Variants in DSCAM observed in about 807,000 individuals in gnomAD.
DSCAM encodes the protein cell adhesion molecule DSCAM.
A neutral mutation model predicts 217.7 loss-of-function variants in DSCAM; 47 were observed. That is an observed-to-expected ratio of 0.22 (90% CI 0.17 to 0.28). The LOEUF is 0.28. Ranked by LOEUF, DSCAM falls within the 10% of genes least tolerant of loss-of-function variation. The pLI is 1.00. For synonymous variants in DSCAM, 1,056 were observed against 1,015.3 expected, an observed-to-expected ratio of 1.04 and a Z score of -0.76; for missense variants, 2,080 against 2,618.3, an observed-to-expected ratio of 0.79 and a Z score of 4.49.
chr21:40,807,334 G>A (rs2091797251), intron 1 of DSCAM, among the ~76,000 whole-genome samples: 1 of 152,170 alleles, frequency 6.6e-6, no homozygotes, highest in Non-Finnish European at 1.5e-5. Flanking sequence ...ATCCTTCCAG[G>A]TCAGCCTCTT....
At chr21:40,425,734 T>C (rs2075468177) in intron 3 of DSCAM, among the ~76,000 whole-genome samples, 1 of 151,614 alleles carries the variant, frequency 6.6e-6, no homozygotes, top group African/African-American at 2.4e-5. Flanking sequence ...AAAATACAGC[T>C]TTTTTTCTGT....
intron 1 of DSCAM, among the ~76,000 whole-genome samples, chr21:40,806,100 G>A (rs1231634403): frequency 2.0e-5 from 3 of 152,138 alleles, no homozygotes; most frequent in Non-Finnish European, 4.4e-5. Flanking sequence ...GCCCTGCTGG[G>A]CTCTTCTCAG....
At position 40,042,337 on chromosome 21, in the gene DSCAM, A is replaced by C. The variant is rs563756803; in HGVS notation, c.5686+34T>G. On this transcript the variant is annotated intron_variant, in intron 32 of 32. Coordinates refer to ENST00000400454, the MANE Select transcript of DSCAM (RefSeq NM_001389.5). ...GAGGACCAGGAAGGTGCACTTCCCTAAGCGACGGCCCCCAGGTGGCCTTGC... is the reference window on the plus strand; with the variant it reads ...GAGGACCAGGAAGGTGCACTTCCCTCAGCGACGGCCCCCAGGTGGCCTTGC... 5.6e-6 allele frequency: 9 copies of C among 1,599,636 alleles called. No individual in the cohort carries two copies. The African/African-American group carries it at 8.0e-5, about 14-fold the overall frequency.
intron 20 of DSCAM, among the ~76,000 whole-genome samples, chr21:40,097,992 A>G (rs2089703841): frequency 6.8e-6 from 1 of 147,510 alleles, no homozygotes; most frequent in Non-Finnish European, 1.5e-5. Flanking sequence ...GAAAGAAAGA[A>G]AGAAAGAAAG....
At chr21:40,725,327 C>T (rs963039334) in intron 1 of DSCAM, among the ~76,000 whole-genome samples, 1 of 148,376 alleles carries the variant, frequency 6.7e-6, no homozygotes, top group Admixed American at 6.7e-5. Context: ...TTCTTATCAG[C>T]AATGCCTACT....
chr21:40,785,353 C>A (rs916066079), intron 1 of DSCAM, among the ~76,000 whole-genome samples: 1 of 152,192 alleles, frequency 6.6e-6, no homozygotes. Flanking sequence ...TCCTTGTACC[C>A]TTCCTTGAGC....
chr21:40,353,351 T>C, intron 5 of DSCAM, 114 bp downstream of exon 5: 15 of 1,399,524 alleles, frequency 1.1e-5, no homozygotes, highest in Non-Finnish European at 1.4e-5. Flanking sequence ...TGATCTCAGC[T>C]GGACTGTTTT....
chr21:40,573,785 A>T (rs1204876450), intron 3 of DSCAM, among the ~76,000 whole-genome samples: 1 of 152,168 alleles, frequency 6.6e-6, no homozygotes, highest in Non-Finnish European at 1.5e-5. Flanking sequence ...AATCTATATC[A>T]GTAATAAAAG....
At chr21:40,208,346 T>C (rs1340843194) in intron 11 of DSCAM, among the ~76,000 whole-genome samples, 2 of 152,092 alleles carry the variant, frequency 1.3e-5, no homozygotes, top group Admixed American at 6.5e-5. Context: ...CCCAGCTACC[T>C]GGGAGGCTGA....
chr21:40,484,658 T>G (rs550837798), intron 3 of DSCAM, among the ~76,000 whole-genome samples: 3 of 152,098 alleles, frequency 2.0e-5, no homozygotes, highest in Non-Finnish European at 4.4e-5. Context: ...TGCCACTGCG[T>G]CATCTCCTGA....
At chr21:40,746,606 T>A (rs1189322703) in intron 1 of DSCAM, among the ~76,000 whole-genome samples, 2 of 151,864 alleles carry the variant, frequency 1.3e-5, no homozygotes, top group Non-Finnish European at 3.0e-5. Flanking sequence ...AGATTGACTA[T>A]AATACAATAA....
chr21:40,145,008 C>T (rs1242808199), intron 16 of DSCAM, among the ~76,000 whole-genome samples: 6 of 152,134 alleles, frequency 3.9e-5, no homozygotes, highest in Non-Finnish European at 2.9e-5. Context: ...ATGGCAGGAG[C>T]GGAATCTGAA....
chr21:40,173,409 G>A (rs982630338), intron 15 of DSCAM, among the ~76,000 whole-genome samples: 1 of 152,142 alleles, frequency 6.6e-6, no homozygotes, highest in Non-Finnish European at 1.5e-5. Context: ...TACACAATGT[G>A]TATGAGGGAC....
At chr21:40,824,403 A>T (rs2091952028) in intron 1 of DSCAM, among the ~76,000 whole-genome samples, 23 of 120,998 alleles carry the variant, frequency 1.9e-4, no homozygotes, top group African/African-American at 4.9e-4. Flanking sequence ...TTTATTATTG[A>T]TTTTTTTTTT....
At chr21:40,317,970 C>G (rs1354351970) in intron 8 of DSCAM, among the ~76,000 whole-genome samples, 2 of 151,996 alleles carry the variant, frequency 1.3e-5, no homozygotes, top group East Asian at 3.9e-4. Context: ...TGATGATTTC[C>G]AATTTCATCC....
intron 3 of DSCAM, among the ~76,000 whole-genome samples, chr21:40,663,284 TGTGTGTGTGTG>T (rs2090161863): frequency 6.7e-6 from 1 of 149,534 alleles, no homozygotes; most frequent in Middle Eastern, 3.2e-3. Flanking sequence ...GGTGTATATG[TGTGTGTGTGTG>T]GTGTGTGTGG....
chr21:40,798,244 G>T (rs2091708745), intron 1 of DSCAM, among the ~76,000 whole-genome samples: 1 of 151,672 alleles, frequency 6.6e-6, no homozygotes, highest in Non-Finnish European at 1.5e-5. Context: ...TCTAAAAGAA[G>T]AAAAGAGTTA....
chr21:40,234,264 C>T (rs751499713), intron 11 of DSCAM, among the ~76,000 whole-genome samples: 6 of 152,148 alleles, frequency 3.9e-5, no homozygotes, highest in African/African-American at 7.2e-5. Context: ...ATCTACATAG[C>T]GCAGAAGTCA....
At chr21:40,567,602 G>A (rs1601750678) in intron 3 of DSCAM, among the ~76,000 whole-genome samples, 2 of 151,980 alleles carry the variant, frequency 1.3e-5, no homozygotes, top group East Asian at 1.9e-4. Context: ...CGCCCCAAAT[G>A]CCCCTCCTCA....
Sources: gnomAD v4.1 joint callset for allele counts (sites outside exome capture counted in the v4.1 genomes callset) on GRCh38, gnomAD v4.1.1 for gene constraint, MANE v1.5 for transcripts, NCBI Gene and HGNC (gene_info 2026-07-23, HGNC 2026-07-21) for gene names.